The following STK3 variants were observed in gnomAD, a reference collection of about 807,000 sequenced individuals.
STK3 encodes the protein serine/threonine-protein kinase 3.
Under a neutral mutation model 58.0 loss-of-function variants are expected in STK3, and 41 were observed. The observed-to-expected ratio is 0.71, with a 90% confidence interval of 0.55 to 0.92. The LOEUF is 0.92. STK3 is among the 40% of genes least tolerant of loss of function. The pLI, the probability that STK3 is intolerant of heterozygous loss-of-function variation, is 0.00. For synonymous variants in STK3, 170 were observed against 191.0 expected (o/e 0.89, Z 0.91); for missense variants, 479 against 602.7 (o/e 0.79, Z 2.15).
chr8:98,803,863 G>C (rs1833746236), intron 1 of STK3, among the ~76,000 whole-genome samples: 1 of 152,108 alleles, frequency 6.6e-6, no homozygotes, highest in African/African-American at 2.4e-5. Flanking sequence ...AGAAAATTAA[G>C]TTGTAGCCCT....
chr8:98,739,885 C>T (rs547040717), intron 4 of STK3, among the ~76,000 whole-genome samples: 131 of 151,254 alleles, frequency 8.7e-4, no homozygotes, highest in African/African-American at 3.0e-3. Context: ...ATAACCAATA[C>T]AGAGAAGTGC....
chr8:98,583,745 A>G, intron 7 of STK3, among the ~76,000 whole-genome samples: 1 of 152,184 alleles, frequency 6.6e-6, no homozygotes, highest in Admixed American at 6.5e-5. Flanking sequence ...TTCTGAAAAC[A>G]ATTTGAGCTA....
At chr8:98,850,712 G>C (rs1342964540) in intron 3 of STK3, among the ~76,000 whole-genome samples, 1 of 152,210 alleles carries the variant, frequency 6.6e-6, no homozygotes, top group Admixed American at 6.5e-5. Context: ...GACGTGCAGT[G>C]CGTGGTGGGC....
intron 10 of STK3, among the ~76,000 whole-genome samples, chr8:98,484,948 G>T (rs1355055881): frequency 6.6e-6 from 1 of 152,072 alleles, no homozygotes; most frequent in East Asian, 1.9e-4. Context: ...TTATCTAGAA[G>T]AATTTTATTG....
intron 1 of STK3, among the ~76,000 whole-genome samples, chr8:98,777,818 C>A (rs1484875028): frequency 6.6e-6 from 1 of 152,148 alleles, no homozygotes; most frequent in Non-Finnish European, 1.5e-5. Flanking sequence ...GGAAAACTGG[C>A]TAGCCATATG....
At chr8:98,600,586 T>C (rs1816248610) in intron 6 of STK3, among the ~76,000 whole-genome samples, 1 of 152,240 alleles carries the variant, frequency 6.6e-6, no homozygotes, top group South Asian at 2.1e-4. Flanking sequence ...TTACCACTGC[T>C]TCCATCAGAT....
rs911492331 is a variant in STK3 at position 98,590,382 on chromosome 8, G to T, written c.822+5650C>A. On this transcript the variant is annotated intron_variant, in intron 7 of 10. Transcript: ENST00000419617. ...TGATGGGGTAGAGGGCTTCCGAGGC[G>T]ATCGGGCAGTGTCAGTCTTCAGCCG... Among the ~76,000 whole-genome samples, 3 of 152,262 alleles carry T rather than the reference G, an allele frequency of 2.0e-5. No homozygotes were observed. In the East Asian group the frequency reaches 5.8e-4, roughly 29 times the overall value.
chr8:98,402,705 C>A (rs142530764), intron 3 of STK3, among the ~76,000 whole-genome samples: 2 of 152,302 alleles, frequency 1.3e-5, no homozygotes, highest in East Asian at 3.9e-4. Context: ...GCCAGCCAGG[C>A]GAGGAGGACA....
At chr8:98,399,888 T>G (rs1817926983), downstream of STK3, among the ~76,000 whole-genome samples, 1 of 152,224 alleles carries the variant, frequency 6.6e-6, no homozygotes, top group Admixed American at 6.5e-5. Flanking sequence ...GGTCACCCTC[T>G]ATTGCTGCCC....
intron 1 of STK3, among the ~76,000 whole-genome samples, chr8:98,799,008 G>A (rs1833353153): frequency 6.6e-6 from 1 of 152,132 alleles, no homozygotes; most frequent in South Asian, 2.1e-4. Flanking sequence ...AAACCTGCTG[G>A]CAGCTTGATC....
At chr8:98,883,219 TCTC>T (rs1326392892), downstream of STK3, 1 of 155,528 alleles carries the variant, frequency 6.4e-6, no homozygotes. Flanking sequence ...CCTCTACTGT[TCTC>T]CTTCCACAGC....
At chr8:98,686,473 ACATTTACATGG>A (rs1824009672) in intron 6 of STK3, among the ~76,000 whole-genome samples, 1 of 152,232 alleles carries the variant, frequency 6.6e-6, no homozygotes, top group Non-Finnish European at 1.5e-5. Context: ...GAGAAGATAC[ACATTTACATGG>A]CAGAAAATTT....
intron 1 of STK3, among the ~76,000 whole-genome samples, chr8:98,926,334 A>G (rs1212196880): frequency 2.0e-5 from 3 of 152,204 alleles, no homozygotes; most frequent in Non-Finnish European, 4.4e-5. Flanking sequence ...ATTGTGAAAT[A>G]AAAACCTATT....
At chr8:98,915,330 T>C (rs1301519845) in intron 1 of STK3, among the ~76,000 whole-genome samples, 1 of 151,148 alleles carries the variant, frequency 6.6e-6, no homozygotes, top group Non-Finnish European at 1.5e-5. Flanking sequence ...GACTCCAAGT[T>C]CTTCAGTTTT....
intron 6 of STK3, among the ~76,000 whole-genome samples, chr8:98,658,629 G>C (rs1249905340): frequency 6.6e-6 from 1 of 151,594 alleles, no homozygotes; most frequent in East Asian, 1.9e-4. Flanking sequence ...TTCCCTTCTA[G>C]GTCTCTTTTT....
At chr8:98,350,249 T>C in the STK3 span, among the ~76,000 whole-genome samples, 2 of 152,200 alleles carry the variant, frequency 1.3e-5, no homozygotes, top group Non-Finnish European at 2.9e-5. Flanking sequence ...CCAGTCTCTT[T>C]GCTAAAACAT....
At chr8:98,629,603 T>C (rs550827319) in intron 6 of STK3, among the ~76,000 whole-genome samples, 1 of 152,126 alleles carries the variant, frequency 6.6e-6, no homozygotes, top group East Asian at 1.9e-4. Flanking sequence ...AGATAAAAAC[T>C]AAAGATGGAA....
chr8:98,764,570 C>G (rs1830828412), intron 3 of STK3, among the ~76,000 whole-genome samples: 1 of 152,130 alleles, frequency 6.6e-6, no homozygotes, highest in Non-Finnish European at 1.5e-5. Context: ...ATGATGATGC[C>G]TTTGATACAC....
chr8:98,889,369 C>G (rs1414328049), intron 1 of STK3, among the ~76,000 whole-genome samples: 1 of 152,202 alleles, frequency 6.6e-6, no homozygotes, highest in Non-Finnish European at 1.5e-5. Context: ...TCCAGGGAGA[C>G]AGTTCCCAGA....
Sources: gnomAD v4.1 joint callset for allele counts (sites outside exome capture counted in the v4.1 genomes callset) on GRCh38, gnomAD v4.1.1 for gene constraint, MANE v1.5 for transcripts, NCBI Gene and HGNC (gene_info 2026-07-23, HGNC 2026-07-21) for gene names.